ARHGEF10L: variants seen among roughly 807,000 people sequenced by gnomAD.
ARHGEF10L encodes the protein Rho guanine nucleotide exchange factor 10 like.
ARHGEF10L carries 69 observed loss-of-function variants against 141.2 expected under a neutral mutation model. The ratio of observed to expected loss-of-function variants is 0.49; its 90% confidence interval spans 0.40 to 0.60. The LOEUF (loss-of-function observed/expected upper bound fraction) is 0.60. Ranked by LOEUF, ARHGEF10L falls within the 20% of genes least tolerant of loss-of-function variation. The pLI is 0.00. For synonymous variants in ARHGEF10L, 711 were observed against 718.5 expected (o/e 0.99, Z 0.17); for missense variants, 1,482 against 1,734.3 (o/e 0.85, Z 2.58).
At chr1:17,597,491 C>A (rs1254395343) in intron 4 of ARHGEF10L, among the ~76,000 whole-genome samples, 1 of 152,128 alleles carries the variant, frequency 6.6e-6, no homozygotes, top group Non-Finnish European at 1.5e-5. Flanking sequence ...TCTTTGCATG[C>A]GTGTCTTGAG....
chr1:17,662,169 C>T (rs147462550), intron 25 of ARHGEF10L, among the ~76,000 whole-genome samples: 5 of 152,122 alleles, frequency 3.3e-5, no homozygotes, highest in East Asian at 1.9e-4. Context: ...CGGTTGTCTC[C>T]GTTATGAACA....
intron 8 of ARHGEF10L, among the ~76,000 whole-genome samples, chr1:17,614,567 A>T (rs2059706562): frequency 6.6e-6 from 1 of 152,192 alleles, no homozygotes; most frequent in Non-Finnish European, 1.5e-5. Context: ...GGATTCTGGA[A>T]CAGAGGTTTC....
At chr1:17,578,980 C>G (rs908379313) in intron 1 of ARHGEF10L, among the ~76,000 whole-genome samples, 19 of 152,044 alleles carry the variant, frequency 1.2e-4, no homozygotes, top group African/African-American at 4.1e-4. Flanking sequence ...TTCTGGGGGA[C>G]TGGGGGATTA....
chr1:17,674,577 C>T (rs1162925763), intron 26 of ARHGEF10L, among the ~76,000 whole-genome samples: 2 of 152,206 alleles, frequency 1.3e-5, no homozygotes, highest in Non-Finnish European at 2.9e-5. Flanking sequence ...GGGCCAGGCT[C>T]TCTGGAGGGC....
chr1:17,531,608 G>A, the ARHGEF10L span, among the ~76,000 whole-genome samples: 1 of 152,206 alleles, frequency 6.6e-6, no homozygotes, highest in Non-Finnish European at 1.5e-5. Context: ...TGGAGGCTTA[G>A]CACACAGTGG....
the ARHGEF10L span, among the ~76,000 whole-genome samples, chr1:17,528,694 T>C: frequency 6.6e-6 from 1 of 152,190 alleles, no homozygotes; most frequent in Non-Finnish European, 1.5e-5. Context: ...CACTGCATTC[T>C]GGAGACACAA....
intron 4 of ARHGEF10L, among the ~76,000 whole-genome samples, chr1:17,591,575 T>A (rs1351015793): frequency 3.4e-4 from 51 of 152,122 alleles, no homozygotes; most frequent in Admixed American, 3.3e-3. Flanking sequence ...CACGCCGAAC[T>A]AATTTTTTGT....
chr1:17,687,023 T>C (rs1296477026), intron 26 of ARHGEF10L, among the ~76,000 whole-genome samples: 1 of 152,160 alleles, frequency 6.6e-6, no homozygotes, highest in Non-Finnish European at 1.5e-5. Flanking sequence ...TGTATCAATT[T>C]TGGGACATCA....
At chr1:17,632,642 G>A (rs1267910420) in intron 16 of ARHGEF10L, among the ~76,000 whole-genome samples, 176 bp downstream of exon 16, 1 of 152,300 alleles carries the variant, frequency 6.6e-6, no homozygotes, top group East Asian at 1.9e-4. Flanking sequence ...CCAACGCTGG[G>A]AAGTACCTGG....
chr1:17,685,922 A>G (rs929362849), intron 26 of ARHGEF10L, among the ~76,000 whole-genome samples: 2 of 152,242 alleles, frequency 1.3e-5, no homozygotes, highest in African/African-American at 4.8e-5. Context: ...GCTTCCTCCC[A>G]GGACAAATTC....
At chr1:17,694,738 C>T (rs930527282) in intron 27 of ARHGEF10L, 5 of 361,698 alleles carry the variant, frequency 1.4e-5, no homozygotes, top group South Asian at 4.1e-5. Context: ...GCACCAACAC[C>T]GATGAGAAGC....
rs759502427 is a variant in ARHGEF10L at position 17,561,439 on chromosome 1, C to A, written c.-43-19114C>A. On this transcript the variant is annotated intron_variant, in intron 1 of 28. Transcript: ENST00000361221. ...CTGGCTTTTCCTTGGTCCTGCCCCC[C>A]GCAGCCTTGCAGTCAGAGGCAGCCC... Among the ~76,000 whole-genome samples the A allele has an allele frequency of 3.3e-5, 5 of 152,318 alleles. No homozygotes were observed. In the East Asian group the frequency reaches 7.7e-4, roughly 24 times the overall value.
intron 19 of ARHGEF10L, 146 bp from the exon 20 acceptor site, chr1:17,638,416 G>A (rs775021476): frequency 2.3e-5 from 28 of 1,216,094 alleles, no homozygotes; most frequent in Admixed American, 1.3e-4. Context: ...GGCCTCCTGC[G>A]TGGGGCTAAA....
At chr1:17,531,871 G>A in the ARHGEF10L span, among the ~76,000 whole-genome samples, 1 of 152,206 alleles carries the variant, frequency 6.6e-6, no homozygotes, top group Non-Finnish European at 1.5e-5. Context: ...AGACCAGGGA[G>A]CTTATGGAGC....
At chr1:17,584,656 GC>G (rs2078871624) in intron 2 of ARHGEF10L, among the ~76,000 whole-genome samples, 1 of 152,210 alleles carries the variant, frequency 6.6e-6, no homozygotes, top group African/African-American at 2.4e-5. Flanking sequence ...GAGAGATGAT[GC>G]GCAGTAAAGA....
At chr1:17,532,544 G>A in the ARHGEF10L span, among the ~76,000 whole-genome samples, 2 of 151,828 alleles carry the variant, frequency 1.3e-5, no homozygotes, top group Non-Finnish European at 2.9e-5. Context: ...TGATACCCCA[G>A]CCCACATTTA....
chr1:17,603,413 G>A lies in ARHGEF10L; in HGVS notation c.350-95G>A. On this transcript the variant is annotated intron_variant, in intron 5 of 28. Coordinates refer to ENST00000361221, the MANE Select transcript of ARHGEF10L (RefSeq NM_018125.4). The surrounding 1 kb of genome is among the most constrained non-coding windows in gnomAD (Gnocchi z 4.8). ...GCTATCAGAAAGGAGGGTGCTGCGT[G>A]CCACCAGCTGGTGCAGTCCTGATGT... 1 of 919,936 alleles carries A rather than the reference G, an allele frequency of 1.1e-6. No homozygotes were observed. The highest frequency in any genetic ancestry group is 1.6e-6 in the Non-Finnish European group (1 of 610,350). 57.0% of individuals were successfully genotyped at this position (919,936 alleles called of 1,614,324 possible).
At chr1:17,597,130 T>G (rs930107493) in intron 4 of ARHGEF10L, among the ~76,000 whole-genome samples, 1 of 152,114 alleles carries the variant, frequency 6.6e-6, no homozygotes, top group African/African-American at 2.4e-5. Flanking sequence ...GCTTCTGCCT[T>G]TTCCTCCCCA....
At chr1:17,665,268 C>T (rs552941881) in intron 26 of ARHGEF10L, among the ~76,000 whole-genome samples, 19 of 152,340 alleles carry the variant, frequency 1.2e-4, no homozygotes, top group East Asian at 3.9e-4. Context: ...TCTCCCAGGG[C>T]GCTCCCTCAT....
Sources: allele counts gnomAD v4.1 joint callset (sites outside exome capture counted in the v4.1 genomes callset), GRCh38; gene constraint gnomAD v4.1.1; non-coding constraint Gnocchi (gnomAD v3.1); transcripts MANE v1.5; gene names NCBI Gene and HGNC (gene_info 2026-07-23, HGNC 2026-07-21).